The following ZNF654 variants were observed in gnomAD, a reference collection of about 807,000 sequenced individuals.
ZNF654 encodes the protein zinc finger protein 654.
A neutral mutation model predicts 95.3 loss-of-function variants in ZNF654; 19 were observed. The observed-to-expected ratio is 0.20, with a 90% CI of 0.14 to 0.29. The LOEUF (loss-of-function observed/expected upper bound fraction) is 0.29, where lower values mean the gene tolerates loss of function less well. Ranked by LOEUF, ZNF654 falls within the 10% of genes least tolerant of loss-of-function variation. The pLI is 1.00. For missense variants in ZNF654, 1,046 were observed against 1,341.0 expected (o/e 0.78, Z 3.44); for synonymous variants, 413 against 457.9 (o/e 0.90, Z 1.25).
intron 1 of ZNF654, among the ~76,000 whole-genome samples, chr3:88,077,629 C>T (rs1707883599): frequency 6.6e-6 from 1 of 152,094 alleles, no homozygotes; most frequent in African/African-American, 2.4e-5. Context: ...TATACTGCTT[C>T]TGAGATAGGG....
Position 88,129,030 on chromosome 3 carries a change from T to G in ZNF654, c.753+19T>G. 1 of 1,518,642 alleles carries G rather than the reference T, an allele frequency of 6.6e-7. No individual in the cohort carries two copies. Among genetic ancestry groups the G allele is most frequent in the Non-Finnish European group, 8.8e-7 (1 of 1,137,418 alleles). The allele number at this position is 1,518,642 out of a possible 1,614,324, so 94.1% of individuals were successfully genotyped here. A position where few individuals can be genotyped will look rare whatever the true frequency, so the allele number is the denominator to read the frequency against. On this transcript the variant is annotated intron_variant, in intron 5 of 8. Coordinates refer to ENST00000636215, the MANE Select transcript of ZNF654 (RefSeq NM_001350134.2). The stretch of plus-strand genomic sequence containing the variant: ...CCGGGAGGTATTGTTTGAGACTATT[T>G]TTGCCTATTACCATTTTAACCCTAC...
intron 6 of ZNF654, among the ~76,000 whole-genome samples, chr3:88,133,085 A>C (rs867648984): frequency 6.6e-6 from 1 of 152,112 alleles, no homozygotes. Context: ...AACAAACCCC[A>C]AGCTTAATAG....
rs185706322 is a variant in ZNF654, at chr3:88,139,206, G to C, written c.1537G>C (p.Asp513His). ...TDQSTGETDP[D>H]DVSGVQPKGH... ...TCAGAGCACTGGAGAGACTGATCCT[G>C]ATGATGTATCTGGAGTGCAGCCTAA... is the stretch of plus-strand genomic sequence containing the variant. Residue 513 changes from aspartate to histidine, a missense_variant, in exon 8 of 9, where the codon GAT becomes CAT. Physicochemically the swap from Asp to His is moderately conservative, Grantham distance 81. Transcript: ENST00000636215. 1.7e-4 allele frequency: 244 copies of C among 1,460,862 alleles called. No homozygotes were observed. In the East Asian group the frequency reaches 5.5e-3, roughly 33 times the overall value. 90.5% of individuals were successfully genotyped at this position (1,460,862 alleles called of 1,614,324 possible).
chr3:88,086,410 C>G lies in ZNF654; in HGVS notation c.332+8C>G, dbSNP rs772776105. 3 of 1,483,424 alleles carry G rather than the reference C, an allele frequency of 2.0e-6. No homozygotes were observed. The South Asian group carries it at 3.9e-5, about 19-fold the overall frequency. 91.9% of individuals were successfully genotyped at this position (1,483,424 alleles called of 1,614,324 possible). Reference sequence around the variant, plus strand: ...TTTGAGTAGCCTTGCTGTGTAAGTACTTTTTACTTCTTATAAATGCATTAT... The same window carrying G: ...TTTGAGTAGCCTTGCTGTGTAAGTAGTTTTTACTTCTTATAAATGCATTAT... On this transcript the variant is annotated splice_region_variant and intron_variant, in intron 2 of 8. Coordinates refer to ENST00000636215, the MANE Select transcript of ZNF654 (RefSeq NM_001350134.2).
intron 2 of ZNF654, 25 bp from the exon 3 acceptor site, chr3:88,113,090 A>G (rs538764016): frequency 1.4e-6 from 2 of 1,465,608 alleles, no homozygotes; most frequent in South Asian, 1.2e-5. Flanking sequence ...AGAAGCAATG[A>G]AAGTTATTCA....
At chr3:88,134,600 A>G (rs947439880) in intron 6 of ZNF654, among the ~76,000 whole-genome samples, 1 of 152,128 alleles carries the variant, frequency 6.6e-6, no homozygotes, top group Admixed American at 6.6e-5. Flanking sequence ...CAGAATCAAT[A>G]CTATACTTAC....
chr3:88,101,004 A>G (rs1704389149), intron 2 of ZNF654, among the ~76,000 whole-genome samples: 5 of 152,214 alleles, frequency 3.3e-5, no homozygotes. Flanking sequence ...ACTTGAAAGT[A>G]AAAGTAGTAG....
intron 1 of ZNF654, among the ~76,000 whole-genome samples, chr3:88,060,071 T>G (rs568836147): frequency 6.6e-6 from 1 of 152,158 alleles, no homozygotes; most frequent in Admixed American, 6.5e-5. Context: ...CCACGGTGAT[T>G]TAGTTACTTT....
intron 1 of ZNF654, among the ~76,000 whole-genome samples, chr3:88,074,851 T>C (rs937537061): frequency 3.9e-5 from 6 of 152,196 alleles, no homozygotes; most frequent in African/African-American, 1.4e-4. Flanking sequence ...GAATTTTGGT[T>C]TAAACCTCAC....
chr3:88,089,104 A>G (rs908421803), intron 2 of ZNF654, among the ~76,000 whole-genome samples: 4 of 148,976 alleles, frequency 2.7e-5, no homozygotes, highest in African/African-American at 9.9e-5. Flanking sequence ...AATTATATTT[A>G]TTTTGTGATG....
chr3:88,139,797 T>A lies in ZNF654; in HGVS notation c.2128T>A (p.Tyr710Asn), dbSNP rs1214457529. 1 of 1,556,518 alleles carries A rather than the reference T, an allele frequency of 6.4e-7. No individual in the cohort carries two copies. Among genetic ancestry groups the A allele is most frequent in the Non-Finnish European group, 8.7e-7 (1 of 1,149,504 alleles). The change falls in exon 8 of 9, where the codon TAT becomes AAT. Residue 710 changes from tyrosine (Y) to asparagine (N), a missense_variant. Transcript: ENST00000636215. ...YEEEEDEEGDYEEDDYDLNQE... is the reference protein window; with the variant it reads ...YEEEEDEEGDNEEDDYDLNQE... ...GGAGGAAGAGGATGAAGAAGGTGAT[T>A]ATGAAGAAGATGATTATGACCTGAA...
At chr3:88,074,900 A>G (rs1198167801) in intron 1 of ZNF654, among the ~76,000 whole-genome samples, 3 of 152,150 alleles carry the variant, frequency 2.0e-5, no homozygotes, top group Non-Finnish European at 4.4e-5. Flanking sequence ...GCCAACTGCC[A>G]GTGTCCATAA....
At position 88,140,779 on chromosome 3, in the gene ZNF654, C is replaced by G; in HGVS notation, c.3110C>G (p.Thr1037Ser). 6.2e-7 allele frequency: 1 copy of G among 1,613,724 alleles called. No homozygotes were observed. The highest frequency in any genetic ancestry group is 1.1e-5 in the South Asian group (1 of 91,074). The change falls in exon 8 of 9, where the codon ACT becomes AGT. Residue 1037 changes from threonine to serine, a missense_variant. By Grantham distance (58) the Thr-to-Ser change is moderately conservative. This residue lies in a region of ZNF654 where 495 missense variants were observed against 537.0 expected (regional missense o/e 0.92). Transcript: ENST00000636215. ...PSKPNLTSEH[T>S]SYGLILTKPY... ...AAACCAAATCTGACAAGTGAACATA[C>G]TTCATATGGCTTAATTTTAACAAAA...
At chr3:88,109,693 T>C (rs1259148513) in intron 2 of ZNF654, among the ~76,000 whole-genome samples, 1 of 152,182 alleles carries the variant, frequency 6.6e-6, no homozygotes, top group Non-Finnish European at 1.5e-5. Flanking sequence ...TAAATCATTT[T>C]GTTTGGGAAT....
chr3:88,113,805 AAAT>A (rs1208287185), intron 3 of ZNF654, among the ~76,000 whole-genome samples: 1 of 83,614 alleles, frequency 1.2e-5, no homozygotes, highest in Non-Finnish European at 2.9e-5. Flanking sequence ...TTTAGAACTG[AAAT>A]ATACAGACAA....
chr3:88,060,076 T>TA (rs1023123883), intron 1 of ZNF654, among the ~76,000 whole-genome samples: 6 of 152,138 alleles, frequency 3.9e-5, no homozygotes, highest in African/African-American at 1.2e-4. Context: ...GTGATTTAGT[T>TA]ACTTTTTTCG....
Position 88,139,352 on chromosome 3 carries a change from G to T in ZNF654, c.1683G>T (p.Arg561Ser). Residue 561 changes from arginine (R) to serine (S), a missense_variant, in exon 8 of 9, where the codon AGG becomes AGT. Arg to Ser is a moderately radical substitution (Grantham distance 110). Transcript: ENST00000636215. ...AATTTTTAGGTGGTCACATTGTAAGGCATGCCCAGGCTCATCAGAAAAAAG... is the reference window on the plus strand; with the variant it reads ...AATTTTTAGGTGGTCACATTGTAAGTCATGCCCAGGCTCATCAGAAAAAAG... ...NKEFLGGHIVRHAQAHQKKGS... is the reference protein window; with the variant it reads ...NKEFLGGHIVSHAQAHQKKGS... The T allele has an allele frequency of 6.2e-7, 1 of 1,611,892 alleles. No individual in the cohort carries two copies. Among genetic ancestry groups the T allele is most frequent in the Non-Finnish European group, 8.5e-7 (1 of 1,179,160 alleles).
At chr3:88,138,170 A>G (rs1706912567) in intron 7 of ZNF654, among the ~76,000 whole-genome samples, 1 of 152,162 alleles carries the variant, frequency 6.6e-6, no homozygotes, top group South Asian at 2.1e-4. Flanking sequence ...TATGTGTGCC[A>G]CATTTCCCCC....
rs1223188280 is a variant in ZNF654 at position 88,139,388 on chromosome 3, A to G, written c.1719A>G (p.Ala573=). 6.2e-7 allele frequency: 1 copy of G among 1,613,708 alleles called. No homozygotes were observed. The highest frequency in any genetic ancestry group is 1.1e-5 in the South Asian group (1 of 91,022). Residue 573 remains alanine, a synonymous_variant, in exon 8 of 9, where the codon GCA becomes GCG. Transcript: ENST00000636215. ...AQAHQKKGSF[A]CVICGRKFRN... is the part of the protein sequence containing the mutation. ...CTCATCAGAAAAAAGGCAGTTTTGC[A>G]TGTGTAATATGTGGTAGGAAATTTA...
Sources: gnomAD v4.1 joint callset for allele counts (sites outside exome capture counted in the v4.1 genomes callset) on GRCh38, gnomAD v4.1.1 for gene constraint, gnomAD v4.1.1 regional missense constraint, MANE v1.5 for transcripts, NCBI Gene and HGNC (gene_info 2026-07-23, HGNC 2026-07-21) for gene names.